The following SSX2IP variants were observed in gnomAD, a reference collection of about 807,000 sequenced individuals.
SSX2IP encodes SSX family member 2 interacting protein.
In SSX2IP, 55 loss-of-function variants were observed where a neutral mutation model predicts 84.9. The ratio of observed to expected loss-of-function variants is 0.65; its 90% CI spans 0.52 to 0.81. SSX2IP has a LOEUF of 0.81. Among genes scored for constraint, SSX2IP ranks in the 30% least tolerant of loss-of-function variants. The pLI, the probability that SSX2IP is intolerant of heterozygous loss-of-function variation, is 0.00. For missense variants in SSX2IP, 664 were observed against 705.2 expected, an observed-to-expected ratio of 0.94 and a Z score of 0.66; for synonymous variants, 239 against 234.7, an observed-to-expected ratio of 1.02 and a Z score of -0.17.
At chr1:84,658,606 C>A (rs1340598569) in intron 8 of SSX2IP, 138 bp from the exon 9 acceptor site, 4 of 967,358 alleles carry the variant, frequency 4.1e-6, no homozygotes, top group Non-Finnish European at 5.7e-6. Context: ...GCATATATGG[C>A]CCAGTATTTA....
intron 1 of SSX2IP, among the ~76,000 whole-genome samples, chr1:84,674,879 GAA>G (rs914490059): frequency 3.9e-5 from 6 of 152,274 alleles, no homozygotes; most frequent in Middle Eastern, 3.4e-3. Context: ...TGCGATATAA[GAA>G]AAGTTACCCG....
intron 1 of SSX2IP, among the ~76,000 whole-genome samples, chr1:84,675,902 C>T (rs567788168): frequency 3.3e-5 from 5 of 152,132 alleles, no homozygotes; most frequent in Non-Finnish European, 5.9e-5. Context: ...CAAGTTGTCC[C>T]GCCTTTCCAG....
Position 84,664,532 on chromosome 1 carries a change from G to C in SSX2IP, c.558C>G (p.Ile186Met). 6.4e-7 allele frequency: 1 copy of C among 1,574,564 alleles called. No homozygotes were observed. Among genetic ancestry groups the C allele is most frequent in the Non-Finnish European group, 8.6e-7 (1 of 1,165,106 alleles). ...EKDEVQKLQN[I>M]IASRATQYNH... ...TATACTGAGTAGCTCGACTTGCAAT[G>C]ATATTTTGTAATTTTTGCACCTGAA... The change falls in exon 6 of 14, where the codon ATC (isoleucine) becomes ATG (methionine). Residue 186 changes from isoleucine to methionine, a missense_variant. Physicochemically the swap from Ile to Met is conservative, Grantham distance 10. Coordinates refer to ENST00000342203, the MANE Select transcript of SSX2IP (RefSeq NM_001166293.2).
intron 4 of SSX2IP, among the ~76,000 whole-genome samples, chr1:84,669,304 G>A (rs1390870058): frequency 6.6e-6 from 1 of 151,972 alleles, no homozygotes; most frequent in Non-Finnish European, 1.5e-5. Context: ...CATCACAGAT[G>A]CCTCAATAAT....
chr1:84,670,651 C>A lies in SSX2IP; in HGVS notation c.208G>T (p.Asp70Tyr). Residue 70 changes from aspartate (D) to tyrosine (Y), a missense_variant, in exon 3 of 14, where the codon GAT (aspartate) becomes TAT (tyrosine). By Grantham distance (160) the Asp-to-Tyr change is radical. Coordinates refer to ENST00000342203, the MANE Select transcript of SSX2IP (RefSeq NM_001166293.2). Reference protein sequence around the residue: ...DNIEQSISYLDQELTTFGFPS... With the variant: ...DNIEQSISYLYQELTTFGFPS... ...TTTTTACAAAAACATGTTACCTGAT[C>A]AAGATATGAGATACTCTGTTCAATA... 3 of 1,588,894 alleles carry A rather than the reference C, an allele frequency of 1.9e-6. No individual in the cohort carries two copies. The South Asian group carries it at 3.5e-5, about 19-fold the overall frequency.
At position 84,647,148 on chromosome 1, in the gene SSX2IP, A is replaced by G. The variant is rs1225612997; in HGVS notation, c.*285T>C. On this transcript the variant is annotated 3_prime_UTR_variant, in exon 14 of 14. Transcript: ENST00000342203. ...CCTAAAAGTGCTATTTTTAATACCT[A>G]TAAGAGGAAACTCAGTCTAGTGCTT... The G allele has an allele frequency of 3.4e-5, 8 of 237,540 alleles. No homozygotes were observed. Among genetic ancestry groups the G allele is most frequent in the East Asian group, 8.5e-5 (1 of 11,756 alleles). 14.7% of individuals were successfully genotyped at this position (237,540 alleles called of 1,614,324 possible).
intron 4 of SSX2IP, 152 bp from the exon 5 acceptor site, chr1:84,666,384 T>G (rs186619372): frequency 1.6e-6 from 1 of 618,952 alleles, no homozygotes; most frequent in Non-Finnish European, 2.8e-6. Flanking sequence ...TTAAAGGAAT[T>G]ATTACAAAGC....
At chr1:84,662,410 T>C (rs750312444) in intron 7 of SSX2IP, 35 bp from the exon 8 acceptor site, 2 of 1,610,382 alleles carry the variant, frequency 1.2e-6, no homozygotes, top group African/African-American at 1.3e-5. Context: ...AAATGCAGGA[T>C]AGAAGGAAGT....
chr1:84,665,747 G>A (rs1044872600), intron 5 of SSX2IP, among the ~76,000 whole-genome samples: 2 of 152,156 alleles, frequency 1.3e-5, no homozygotes, highest in African/African-American at 4.8e-5. Context: ...TTAAGACAGT[G>A]CATGCAAGAA....
rs1557507913 is a variant in SSX2IP, at chr1:84,670,797, TGAGA to T, written c.58_61del (p.Ser20AsnfsTer53). ...AGACATCTTTGTTTCTGAGGTATAT[TGAGA>T]GATAGTTTTGCTTTCTGAAAGAATA... is the stretch of plus-strand genomic sequence containing the variant. On this transcript the variant is annotated frameshift_variant, in exon 3 of 14. Transcript: ENST00000342203. LOFTEE classifies it high-confidence loss of function. 1.2e-6 allele frequency: 2 copies of T among 1,607,744 alleles called. No individual in the cohort carries two copies. The highest frequency in any genetic ancestry group is 1.7e-6 in the Non-Finnish European group (2 of 1,177,592).
At chr1:84,650,245 A>G (rs1218450595) in intron 13 of SSX2IP, 117 bp downstream of exon 13, 2 of 1,010,304 alleles carry the variant, frequency 2.0e-6, no homozygotes, top group African/African-American at 3.2e-5. Context: ...ATCATCTACT[A>G]AATTCCTCTC....
chr1:84,670,424 T>C (rs1185569693), intron 3 of SSX2IP: 1 of 304,854 alleles, frequency 3.3e-6, no homozygotes, highest in Non-Finnish European at 6.0e-6. Context: ...GGACTCTCAG[T>C]GGAGGAGCCC....
At position 84,663,493 on chromosome 1, in the gene SSX2IP, G is replaced by A. The variant is rs117846349; in HGVS notation, c.673+924C>T. ...ATACCTAAAGATTTCCAATCTTAAC[G>A]GCGCATTACTGAATCTTCATTTCTA... On this transcript the variant is annotated intron_variant, in intron 6 of 13. Coordinates refer to ENST00000342203, the MANE Select transcript of SSX2IP (RefSeq NM_001166293.2). Among the ~76,000 whole-genome samples the A allele has an allele frequency of 3.8e-4, 58 of 152,168 alleles. 1 individual carries two copies. The East Asian group carries it at 0.01, about 26-fold the overall frequency.
Position 84,647,571 on chromosome 1 carries a change from A to G in SSX2IP, c.1707T>C (p.Ile569=), listed in dbSNP as rs1021708658. Residue 569 remains isoleucine, a synonymous_variant, in exon 14 of 14, where the codon ATT becomes ATC. Coordinates refer to ENST00000342203, the MANE Select transcript of SSX2IP (RefSeq NM_001166293.2). ...INVLNITAEE[I]KPNQVGGECT... ...ATTCTCCTCCAACCTGATTTGGTTT[A>G]ATTTCTTCAGCAGTTATATTCAGTA... 3 of 1,611,924 alleles carry G rather than the reference A, an allele frequency of 1.9e-6. No homozygotes were observed. Among genetic ancestry groups the G allele is most frequent in the Non-Finnish European group, 2.5e-6 (3 of 1,178,894 alleles).
chr1:84,681,403 G>A (rs968780636), intron 1 of SSX2IP, among the ~76,000 whole-genome samples: 4 of 152,166 alleles, frequency 2.6e-5, no homozygotes, highest in African/African-American at 9.7e-5. Flanking sequence ...CACAAAAAAA[G>A]AAGTTACAGG....
At chr1:84,689,446 T>G (rs1020903477) in intron 1 of SSX2IP, among the ~76,000 whole-genome samples, 2 of 152,218 alleles carry the variant, frequency 1.3e-5, no homozygotes, top group African/African-American at 2.4e-5. Flanking sequence ...TCAAGAAGCC[T>G]CCACCCTTAC....
chr1:84,662,422 TGA>T, intron 7 of SSX2IP, 31 bp downstream of exon 7: 1 of 1,611,374 alleles, frequency 6.2e-7, no homozygotes, highest in Non-Finnish European at 8.5e-7. Flanking sequence ...GAAGGAAGTC[TGA>T]TTACATTTAT....
Position 84,685,915 on chromosome 1 carries a change from G to A in SSX2IP, c.-90+4456C>T, listed in dbSNP as rs190102210. On this transcript the variant is annotated intron_variant, in intron 1 of 13. Coordinates refer to ENST00000342203, the MANE Select transcript of SSX2IP (RefSeq NM_001166293.2). ...AGCACAACCAGATTACAATTAACAG[G>A]CAAATGAAAAGTATAGGCAGTGGCT... is the stretch of plus-strand genomic sequence containing the variant. Among the ~76,000 whole-genome samples, 6 of 152,264 alleles carry A rather than the reference G, an allele frequency of 3.9e-5. No individual in the cohort carries two copies. In the East Asian group the frequency reaches 1.2e-3, roughly 29 times the overall value.
chr1:84,688,318 A>G (rs1466241220), intron 1 of SSX2IP, among the ~76,000 whole-genome samples: 1 of 152,212 alleles, frequency 6.6e-6, no homozygotes, highest in African/African-American at 2.4e-5. Flanking sequence ...GCCACAAAAC[A>G]AACCCACATC....
Sources: allele counts gnomAD v4.1 joint callset (sites outside exome capture counted in the v4.1 genomes callset), GRCh38; gene constraint gnomAD v4.1.1; transcripts MANE v1.5; gene names NCBI Gene and HGNC (gene_info 2026-07-23, HGNC 2026-07-21).